The following SLC16A7 variants were observed in gnomAD, a reference collection of about 807,000 sequenced individuals.
SLC16A7 encodes the protein monocarboxylate transporter 2.
Under a neutral mutation model 34.9 loss-of-function variants are expected in SLC16A7, and 33 were observed. The ratio of observed to expected loss-of-function variants is 0.94; its 90% CI spans 0.72 to 1.26. SLC16A7 has a LOEUF of 1.26. SLC16A7 is among the 50% of genes most tolerant of loss of function. SLC16A7 has a pLI of 0.00. For missense variants in SLC16A7, 573 were observed against 578.1 expected, an observed-to-expected ratio of 0.99 and a Z score of 0.09; for synonymous variants, 201 against 206.6, an observed-to-expected ratio of 0.97 and a Z score of 0.23.
intron 3 of SLC16A7, chr12:59,768,083 A>G (rs543573042): frequency 4.5e-6 from 2 of 445,966 alleles, no homozygotes; most frequent in East Asian, 1.4e-4. Flanking sequence ...CCTAGAACTT[A>G]AAGCATAATA....
intron 3 of SLC16A7, among the ~76,000 whole-genome samples, chr12:59,768,814 T>C (rs1032554239): frequency 1.3e-5 from 2 of 151,942 alleles, no homozygotes; most frequent in Non-Finnish European, 2.9e-5. Context: ...CTGGGCAACA[T>C]AGCAAGGCCC....
At chr12:59,598,186 A>G (rs1452809224) in intron 1 of SLC16A7, among the ~76,000 whole-genome samples, 1 of 152,238 alleles carries the variant, frequency 6.6e-6, no homozygotes, top group South Asian at 2.1e-4. Flanking sequence ...AAAGGGAATT[A>G]ACTTTAGAAC....
rs184450145 is a variant in SLC16A7 at position 59,614,114 on chromosome 12, G to C, written c.-130+17878G>C. 3.9e-4 allele frequency among the ~76,000 whole-genome samples: 59 copies of C among 150,744 alleles called. No individual in the cohort carries two copies. The East Asian group carries it at 0.011, about 27-fold the overall frequency. On this transcript the variant is annotated intron_variant, in intron 1 of 5. Coordinates refer to ENST00000547379, the MANE Select transcript of SLC16A7 (RefSeq NM_001270623.2). ...CACCCAAGCTGGAGTGCAGTGGTGC[G>C]ATCTCGACTCACTGCAGCCTTCGCC...
At chr12:59,615,050 C>T (rs1421100027) in intron 1 of SLC16A7, among the ~76,000 whole-genome samples, 1 of 151,510 alleles carries the variant, frequency 6.6e-6, no homozygotes, top group Non-Finnish European at 1.5e-5. Context: ...AAAAGAGGCT[C>T]CGTGCAGCAT....
chr12:59,758,486 A>C, intron 3 of SLC16A7, among the ~76,000 whole-genome samples: 1 of 152,118 alleles, frequency 6.6e-6, no homozygotes. Flanking sequence ...AACAGATAGC[A>C]TAATTATTAT....
intron 2 of SLC16A7, among the ~76,000 whole-genome samples, chr12:59,683,899 G>C (rs1013434115): frequency 1.3e-5 from 2 of 152,098 alleles, no homozygotes; most frequent in African/African-American, 4.8e-5. Context: ...TCAAGTACAA[G>C]GTACAACTGA....
intron 3 of SLC16A7, among the ~76,000 whole-genome samples, chr12:59,755,463 A>G (rs1039503518): frequency 6.6e-6 from 1 of 152,196 alleles, no homozygotes; most frequent in Non-Finnish European, 1.5e-5. Flanking sequence ...TACCAATAAC[A>G]GACAAACAGA....
intron 5 of SLC16A7, among the ~76,000 whole-genome samples, chr12:59,776,532 G>A (rs1882774590): frequency 6.6e-6 from 1 of 152,120 alleles, no homozygotes; most frequent in African/African-American, 2.4e-5. Context: ...GCTCTCTCAT[G>A]GTCAGAGTCA....
Position 59,663,388 on chromosome 12 carries a change from AAC to A in SLC16A7, c.-31+8140_-31+8141del, listed in dbSNP as rs1241938097. Among the ~76,000 whole-genome samples, 3 of 151,998 alleles carry A rather than the reference AAC, an allele frequency of 2.0e-5. No individual in the cohort carries two copies. In the East Asian group the frequency reaches 5.8e-4, roughly 29 times the overall value. ...TATAAAAAAAGTAGTTGATAAAGCA[AAC>A]AATATTGAAATTTTATTCTTTTACC... is the stretch of plus-strand genomic sequence containing the variant. On this transcript the variant is annotated intron_variant, in intron 2 of 5. Coordinates refer to ENST00000547379, the MANE Select transcript of SLC16A7 (RefSeq NM_001270623.2).
At chr12:59,656,805 G>A (rs746858013) in intron 2 of SLC16A7, among the ~76,000 whole-genome samples, 11 of 151,890 alleles carry the variant, frequency 7.2e-5, no homozygotes, top group Non-Finnish European at 1.5e-4. Context: ...ATAGGGCTAG[G>A]TTGTAATATG....
intron 1 of SLC16A7, among the ~76,000 whole-genome samples, chr12:59,618,111 T>A (rs957879928): frequency 2.6e-5 from 4 of 151,960 alleles, no homozygotes; most frequent in African/African-American, 4.8e-5. Context: ...TTGAAATCAT[T>A]TCCTGATATC....
chr12:59,661,840 G>T (rs748495199), intron 2 of SLC16A7, among the ~76,000 whole-genome samples: 3 of 152,012 alleles, frequency 2.0e-5, no homozygotes, highest in East Asian at 1.9e-4. Context: ...GCTTATCAAG[G>T]TTAAAAGTGT....
At position 59,705,015 on chromosome 12, in the gene SLC16A7, G is replaced by A; in HGVS notation, c.214G>A (p.Gly72Arg). Residue 72 changes from glycine (G) to arginine (R), a missense_variant, in exon 3 of 6, where the codon GGA becomes AGA. Physicochemically the swap from Gly to Arg is moderately radical, Grantham distance 125. Transcript: ENST00000547379. ...CATTATGCTGGCTGTTATGTACGCA[G>A]GAGGTAAGCTTCTTGCAATAAATAG... ...SSIMLAVMYA[G>R]GPVSSVLVNK... The A allele has an allele frequency of 1.9e-6, 3 of 1,595,126 alleles. No homozygotes were observed. Among genetic ancestry groups the A allele is most frequent in the Non-Finnish European group, 2.6e-6 (3 of 1,163,158 alleles).
At chr12:59,623,194 C>G (rs1298444423) in intron 1 of SLC16A7, among the ~76,000 whole-genome samples, 3 of 151,568 alleles carry the variant, frequency 2.0e-5, no homozygotes, top group Non-Finnish European at 4.4e-5. Flanking sequence ...ATCACCAAAG[C>G]TTTTTAATAA....
At position 59,744,143 on chromosome 12, in the gene SLC16A7, T is replaced by C. The variant is rs556607278; in HGVS notation, c.218-27076T>C. Reference sequence around the variant, plus strand: ...TCTGAGCAGAAGAGGGCGAGTCCCCTGGCAAGTGCCCCACCCTCAAGCCTG... The same window carrying C: ...TCTGAGCAGAAGAGGGCGAGTCCCCCGGCAAGTGCCCCACCCTCAAGCCTG... On this transcript the variant is annotated intron_variant, in intron 3 of 5. Transcript: ENST00000547379. Among the ~76,000 whole-genome samples, 325 of 152,326 alleles carry C rather than the reference T, an allele frequency of 2.1e-3. 2 individuals carry two copies. Among genetic ancestry groups the C allele is most frequent in the African/African-American group, 6.9e-3 (286 of 41,574 alleles).
rs1883773827 is a variant in SLC16A7, at chr12:59,788,492, G to T, written c.*8813G>T. 1 of 151,924 alleles carries T rather than the reference G, an allele frequency of 6.6e-6. No individual in the cohort carries two copies. Among genetic ancestry groups the T allele is most frequent in the African/African-American group, 2.4e-5 (1 of 41,396 alleles). 9.4% of individuals were successfully genotyped at this position (151,924 alleles called of 1,614,324 possible). ...ATAGTGAAATAAAGAGGATAGTTTTGCTTGACACCTAAATGATCCAAACAG... is the reference window on the plus strand; with the variant it reads ...ATAGTGAAATAAAGAGGATAGTTTTTCTTGACACCTAAATGATCCAAACAG... On this transcript the variant is annotated 3_prime_UTR_variant, in exon 6 of 6. Transcript: ENST00000547379.
At chr12:59,630,754 T>C (rs1880146565) in intron 1 of SLC16A7, among the ~76,000 whole-genome samples, 1 of 151,886 alleles carries the variant, frequency 6.6e-6, no homozygotes, top group South Asian at 2.1e-4. Flanking sequence ...TCATAATAAG[T>C]TTGTAGAGTT....
intron 2 of SLC16A7, among the ~76,000 whole-genome samples, chr12:59,675,100 A>G (rs1870199904): frequency 6.6e-6 from 1 of 152,230 alleles, no homozygotes; most frequent in Non-Finnish European, 1.5e-5. Flanking sequence ...TCTTCATAGC[A>G]TGGTGATGAC....
At chr12:59,600,053 T>TA (rs1878612862) in intron 1 of SLC16A7, among the ~76,000 whole-genome samples, 1 of 152,194 alleles carries the variant, frequency 6.6e-6, no homozygotes, top group Non-Finnish European at 1.5e-5. Context: ...GACAAGTTGC[T>TA]AGACCTCTTT....
Sources: gnomAD v4.1 joint callset for allele counts (sites outside exome capture counted in the v4.1 genomes callset) on GRCh38, gnomAD v4.1.1 for gene constraint, MANE v1.5 for transcripts, NCBI Gene and HGNC (gene_info 2026-07-23, HGNC 2026-07-21) for gene names.